C10orf90: variants seen among roughly 807,000 people sequenced by gnomAD.
C10orf90 encodes (E2-independent) E3 ubiquitin-conjugating enzyme FATS.
A neutral mutation model predicts 62.5 loss-of-function variants in C10orf90; 56 were observed. The observed-to-expected ratio is 0.90, with a 90% CI of 0.72 to 1.12. The LOEUF is 1.12. Among genes scored for constraint, C10orf90 ranks in the 50% most tolerant of loss-of-function variants. The pLI, the probability that C10orf90 is intolerant of heterozygous loss-of-function variation, is 0.00. For synonymous variants in C10orf90, 386 were observed against 340.4 expected, an observed-to-expected ratio of 1.13 and a Z score of -1.47; for missense variants, 970 against 880.4, an observed-to-expected ratio of 1.10 and a Z score of -1.29.
intron 4 of C10orf90, among the ~76,000 whole-genome samples, chr10:126,492,407 G>T (rs751084302): frequency 5.3e-5 from 8 of 152,164 alleles, no homozygotes; most frequent in African/African-American, 7.2e-5. Context: ...GATGTACTGT[G>T]GTTATGTAAG....
intron 2 of C10orf90, among the ~76,000 whole-genome samples, chr10:126,636,786 T>C (rs1301444848): frequency 2.0e-5 from 3 of 151,940 alleles, no homozygotes; most frequent in Admixed American, 1.3e-4. Flanking sequence ...CAAAAGCCAC[T>C]AAAAAAAATA....
intron 2 of C10orf90, among the ~76,000 whole-genome samples, chr10:126,556,205 T>G (rs1303462698): frequency 6.6e-6 from 1 of 152,216 alleles, no homozygotes; most frequent in Non-Finnish European, 1.5e-5. Flanking sequence ...TTTCAGGCCC[T>G]CTATCAAGAC....
At chr10:126,514,519 A>C (rs915301505) in intron 2 of C10orf90, among the ~76,000 whole-genome samples, 1 of 152,188 alleles carries the variant, frequency 6.6e-6, no homozygotes, top group African/African-American at 2.4e-5. Flanking sequence ...TGTCAGATCC[A>C]ACTGGACGGA....
intron 2 of C10orf90, among the ~76,000 whole-genome samples, chr10:126,598,606 A>G (rs1486675566): frequency 6.6e-6 from 1 of 152,160 alleles, no homozygotes; most frequent in African/African-American, 2.4e-5. Context: ...TTCCTCTATC[A>G]GATCTGTAAT....
chr10:126,565,209 A>T, intron 2 of C10orf90, among the ~76,000 whole-genome samples: 1 of 61,640 alleles, frequency 1.6e-5, no homozygotes, highest in African/African-American at 5.7e-5. Context: ...CATATTATGT[A>T]ATATAATTTT....
At chr10:126,480,586 C>G (rs979132821) in intron 4 of C10orf90, among the ~76,000 whole-genome samples, 1 of 152,228 alleles carries the variant, frequency 6.6e-6, no homozygotes, top group Non-Finnish European at 1.5e-5. Flanking sequence ...GAACATACAG[C>G]GGCCTGCCCA....
intron 2 of C10orf90, among the ~76,000 whole-genome samples, chr10:126,605,152 G>T (rs893825298): frequency 1.4e-4 from 21 of 152,180 alleles, no homozygotes; most frequent in African/African-American, 5.1e-4. Context: ...CTGAAAAATG[G>T]CTTCATATTT....
In C10orf90 at chr10:126,504,282, T is replaced by A; in HGVS notation, c.1209A>T (p.Val403=). 6.2e-7 allele frequency: 1 copy of A among 1,614,238 alleles called. No homozygotes were observed. The highest frequency in any genetic ancestry group is 8.5e-7 in the Non-Finnish European group (1 of 1,180,044). ...TTGGCTCTCTGTTCACTAGGCCATC[T>A]ACTCCATCTGCTGTTAATCTGTGGG... ...CSSHRLTADG[V]DGLVNREPIS... Residue 403 remains valine, a synonymous_variant, in exon 4 of 10, where the codon GTA becomes GTT. Coordinates refer to ENST00000488181, the MANE Select transcript of C10orf90 (RefSeq NM_001350921.2). This position sits in a 1 kb window ranked among gnomAD's most constrained non-coding sequence, Gnocchi z 4.1.
intron 4 of C10orf90, among the ~76,000 whole-genome samples, chr10:126,496,885 A>G (rs1862091207): frequency 6.6e-6 from 1 of 152,232 alleles, no homozygotes; most frequent in Non-Finnish European, 1.5e-5. Flanking sequence ...CTACTGGGTA[A>G]GATGAGGTCA....
intron 7 of C10orf90, among the ~76,000 whole-genome samples, chr10:126,457,300 T>C (rs1338154893): frequency 6.6e-6 from 1 of 152,220 alleles, no homozygotes; most frequent in Non-Finnish European, 1.5e-5. Flanking sequence ...GTTCCTGTTC[T>C]TTTAAGCCCC....
intron 8 of C10orf90, among the ~76,000 whole-genome samples, chr10:126,429,323 C>T (rs1164835968): frequency 6.6e-6 from 1 of 152,118 alleles, no homozygotes; most frequent in Non-Finnish European, 1.5e-5. Flanking sequence ...AGCTCACGGC[C>T]CCACTGAGGC....
Position 126,453,833 on chromosome 10 carries a change from G to C in C10orf90, c.2188+5207C>G, listed in dbSNP as rs1204843175. Among the ~76,000 whole-genome samples, 1 of 152,194 alleles carries C rather than the reference G, an allele frequency of 6.6e-6. No homozygotes were observed. Among genetic ancestry groups the C allele is most frequent in the Non-Finnish European group, 1.5e-5 (1 of 68,028 alleles). On this transcript the variant is annotated intron_variant, in intron 7 of 9. Transcript: ENST00000488181. The surrounding 1 kb of genome is among the most constrained non-coding windows in gnomAD (Gnocchi z 4.9). ...GTTAGGCAGGATTTTATAGCACAGA[G>C]AGGAGGAACAGACAGGCTTCTCTCA...
chr10:126,607,341 A>G (rs900494330), intron 2 of C10orf90, among the ~76,000 whole-genome samples: 1 of 152,196 alleles, frequency 6.6e-6, no homozygotes, highest in African/African-American at 2.4e-5. Context: ...TACAATTGTT[A>G]CTCATTGTAG....
In C10orf90 at chr10:126,587,031, T is replaced by C. The variant is rs76372759; in HGVS notation, c.313+59534A>G. Among the ~76,000 whole-genome samples, 1,103 of 152,140 alleles carry C rather than the reference T, an allele frequency of 7.2e-3. 11 individuals carry two copies. Among genetic ancestry groups the C allele is most frequent in the Non-Finnish European group, 9.0e-3 (611 of 67,996 alleles). On this transcript the variant is annotated intron_variant, in intron 2 of 9. Coordinates refer to ENST00000488181, the MANE Select transcript of C10orf90 (RefSeq NM_001350921.2). The stretch of plus-strand genomic sequence containing the variant: ...TAAAAGTGATGTGATCATCCATTTT[T>C]AGTCACGCCATTGTAATAGCTGAAG...
At chr10:126,606,629 A>C (rs965014266) in intron 2 of C10orf90, among the ~76,000 whole-genome samples, 2 of 152,190 alleles carry the variant, frequency 1.3e-5, no homozygotes, top group South Asian at 4.1e-4. Flanking sequence ...AGCAGCTCTG[A>C]TGATTTGCTG....
At chr10:126,565,215 ATTTT>A (rs1208429925) in intron 2 of C10orf90, among the ~76,000 whole-genome samples, 3,334 of 42,036 alleles carry the variant, frequency 0.079, 612 homozygotes, top group Middle Eastern at 0.17. Flanking sequence ...ATGTAATATA[ATTTT>A]TATATTACAT....
At position 126,617,863 on chromosome 10, in the gene C10orf90, C is replaced by T. The variant is rs188839125; in HGVS notation, c.313+28702G>A. On this transcript the variant is annotated intron_variant, in intron 2 of 9. Transcript: ENST00000488181. The stretch of plus-strand genomic sequence containing the variant: ...CCATTATGAGAATAGATTATACAGT[C>T]GGAGAGAAAGAGAGAGGGAGAGATC... Among the ~76,000 whole-genome samples the T allele has an allele frequency of 9.1e-4, 139 of 152,234 alleles. 4 individuals carry two copies. The South Asian group carries it at 0.022, about 24-fold the overall frequency.
chr10:126,480,962 C>A (rs974534307), intron 4 of C10orf90, among the ~76,000 whole-genome samples: 1 of 151,930 alleles, frequency 6.6e-6, no homozygotes, highest in Admixed American at 6.6e-5. Flanking sequence ...CTGGTGTGAT[C>A]GGGCCTCTGC....
intron 7 of C10orf90, among the ~76,000 whole-genome samples, chr10:126,452,491 T>G (rs573160423): frequency 1.3e-3 from 199 of 152,354 alleles, no homozygotes; most frequent in Non-Finnish European, 1.1e-3. Context: ...GGTTTATTAC[T>G]CAGCTGCTTT....
Sources: gnomAD v4.1 joint callset for allele counts (sites outside exome capture counted in the v4.1 genomes callset) on GRCh38, gnomAD v4.1.1 for gene constraint, Gnocchi (gnomAD v3.1) non-coding constraint, MANE v1.5 for transcripts, NCBI Gene and HGNC (gene_info 2026-07-23, HGNC 2026-07-21) for gene names.